The following PFKP variants were observed in gnomAD, a reference collection of about 807,000 sequenced individuals.
PFKP encodes ATP-dependent 6-phosphofructokinase, platelet type.
In PFKP, 101 loss-of-function variants were observed where a neutral mutation model predicts 94.3. The ratio of observed to expected loss-of-function variants is 1.07; its 90% confidence interval spans 0.91 to 1.26. The LOEUF (loss-of-function observed/expected upper bound fraction) is 1.26. Ranked by LOEUF, PFKP falls within the 50% of genes most tolerant of loss-of-function variation. The pLI is 0.00. For synonymous variants in PFKP, 573 were observed against 432.6 expected (o/e 1.32, Z -4.03); for missense variants, 1,145 against 1,103.3 (o/e 1.04, Z -0.53).
intron 16 of PFKP, among the ~76,000 whole-genome samples, chr10:3,121,132 A>G (rs553705818): frequency 1.3e-5 from 2 of 152,284 alleles, no homozygotes; most frequent in African/African-American, 2.4e-5. Context: ...TGCTTTTCTG[A>G]GCGTTTTAAA....
At chr10:3,081,781 C>CTT (rs59221770) in intron 1 of PFKP, among the ~76,000 whole-genome samples, 151,576 of 152,294 alleles carry the variant, frequency 1, 75,433 homozygotes, top group Middle Eastern at 1. Flanking sequence ...TGTAAATAGA[C>CTT]ATGATACATT....
At chr10:3,098,929 C>T (rs1327220723) in intron 2 of PFKP, among the ~76,000 whole-genome samples, 2 of 152,186 alleles carry the variant, frequency 1.3e-5, no homozygotes, top group Non-Finnish European at 2.9e-5. Flanking sequence ...TGAGTTTGTG[C>T]TGAAGTATGA....
chr10:3,107,565 G>A (rs1835761197), intron 8 of PFKP, among the ~76,000 whole-genome samples: 1 of 152,272 alleles, frequency 6.6e-6, no homozygotes, highest in Non-Finnish European at 1.5e-5. Context: ...GAGGGGGTCA[G>A]CTCGAGTGGC....
chr10:3,084,327 CCT>C (rs1833318139), intron 2 of PFKP, among the ~76,000 whole-genome samples: 1 of 152,072 alleles, frequency 6.6e-6, no homozygotes, highest in African/African-American at 2.4e-5. Context: ...GCAGGTTTCC[CCT>C]GTCTGCTTTC....
Position 3,129,683 on chromosome 10 carries a change from C to T in PFKP, c.1684-136C>T, listed in dbSNP as rs550561582. Reference sequence around the variant, plus strand: ...CACATCCTGGCTGCTGCACACCCTTCACCTCTGCGGGATGCTGGGACCGCA... The same window carrying T: ...CACATCCTGGCTGCTGCACACCCTTTACCTCTGCGGGATGCTGGGACCGCA... On this transcript the variant is annotated intron_variant, in intron 16 of 21. Coordinates refer to ENST00000381125, the MANE Select transcript of PFKP (RefSeq NM_002627.5). 4.4e-6 allele frequency: 4 copies of T among 905,246 alleles called. No individual in the cohort carries two copies. In the East Asian group the frequency reaches 9.9e-5, roughly 22 times the overall value. The allele number at this position is 905,246 out of a possible 1,614,324, so 56.1% of individuals were successfully genotyped here.
At chr10:3,117,310 ATCT>A (rs1171088170) in intron 14 of PFKP, among the ~76,000 whole-genome samples, 1 of 152,030 alleles carries the variant, frequency 6.6e-6, no homozygotes. Flanking sequence ...TAGTCTAAAA[ATCT>A]CTTTTTCAGA....
Position 3,103,644 on chromosome 10 carries a change from G to A in PFKP, c.455-135G>A, listed in dbSNP as rs182965757. ...CCTGTCTCAGAAAAATGATAATAAA[G>A]AAATGATACCAATAACAAAGAGTTT... On this transcript the variant is annotated intron_variant, in intron 4 of 21. Coordinates refer to ENST00000381125, the MANE Select transcript of PFKP (RefSeq NM_002627.5). 2.2e-4 allele frequency: 191 copies of A among 858,720 alleles called. No individual in the cohort carries two copies. The African/African-American group carries it at 2.6e-3, about 12-fold the overall frequency. The allele number at this position is 858,720 out of a possible 1,614,324, so 53.2% of individuals were successfully genotyped here.
chr10:3,118,213 A>G (rs2131630413), intron 14 of PFKP, among the ~76,000 whole-genome samples: 2 of 152,342 alleles, frequency 1.3e-5, no homozygotes, highest in East Asian at 1.9e-4. Flanking sequence ...TCACACCTGT[A>G]ACCCCAGCAC....
At chr10:3,104,455 A>G (rs745663533) in intron 5 of PFKP, among the ~76,000 whole-genome samples, 2 of 152,246 alleles carry the variant, frequency 1.3e-5, no homozygotes, top group Non-Finnish European at 2.9e-5. Context: ...AATGGTAAAT[A>G]GAATAAGTGT....
chr10:3,098,615 G>C (rs1473155204), intron 2 of PFKP, among the ~76,000 whole-genome samples: 1 of 142,108 alleles, frequency 7.0e-6, no homozygotes, highest in Non-Finnish European at 1.5e-5. Flanking sequence ...GCAGGTTGCA[G>C]TGAGCCGAGA....
chr10:3,113,844 G>A (rs1032671552), intron 13 of PFKP, among the ~76,000 whole-genome samples: 8 of 152,132 alleles, frequency 5.3e-5, no homozygotes, highest in Admixed American at 1.3e-4. Flanking sequence ...TGTTTAAACC[G>A]GGCACTGGAG....
rs756211012 is a variant in PFKP, at chr10:3,113,159, A to G, written c.1195A>G (p.Ile399Val). ...GNLNTYKRLA[I>V]KLPDDQIPKT... The stretch of plus-strand genomic sequence containing the variant: ...CCTGAACACCTACAAGCGACTTGCC[A>G]TCAAGCTGCCGGATGATCAGATCCC... Residue 399 changes from isoleucine (I) to valine (V), a missense_variant, in exon 12 of 22, where the codon ATC (isoleucine) becomes GTC (valine). Around this residue, in one of 3 missense-constraint regions of PFKP, gnomAD observed 1,119 missense variants for 1,062.8 expected, o/e 1.05. Coordinates refer to ENST00000381125, the MANE Select transcript of PFKP (RefSeq NM_002627.5). 2 of 1,613,084 alleles carry G rather than the reference A, an allele frequency of 1.2e-6. No homozygotes were observed. The highest frequency in any genetic ancestry group is 8.5e-7 in the Non-Finnish European group (1 of 1,179,696).
In PFKP at chr10:3,100,862, CAAA is replaced by C. The variant is rs71294492; in HGVS notation, c.265-485_265-483del. The C allele has an allele frequency of 9.6e-3, 6,251 of 651,852 alleles. 6 individuals carry two copies. The highest frequency in any genetic ancestry group is 0.011 in the South Asian group (611 of 53,446). The allele number at this position is 651,852 out of a possible 1,614,324, so 40.4% of individuals were successfully genotyped here. A position where few individuals can be genotyped will look rare whatever the true frequency, so the allele number is the denominator to read the frequency against. ...TAAAAGGGGCAGCGAGTATGTGGTG[CAAA>C]AAAAAAAAAAAAAAAAATCCCCCTG... is the stretch of plus-strand genomic sequence containing the variant. On this transcript the variant is annotated intron_variant, in intron 3 of 21. Coordinates refer to ENST00000381125, the MANE Select transcript of PFKP (RefSeq NM_002627.5).
At position 3,136,660 on chromosome 10, in the gene PFKP, T is replaced by G. The variant is rs1313079167; in HGVS notation, c.*81T>G. The G allele has an allele frequency of 6.8e-7, 1 of 1,480,450 alleles. No homozygotes were observed. Among genetic ancestry groups the G allele is most frequent in the African/African-American group, 1.4e-5 (1 of 72,334 alleles). 91.7% of individuals were successfully genotyped at this position (1,480,450 alleles called of 1,614,324 possible). On this transcript the variant is annotated 3_prime_UTR_variant, in exon 22 of 22. Transcript: ENST00000381125. ...CTTAAGTTATTTTATCAGCACTTTA[T>G]GCACGTATTATTGACATTAATACCT... is the stretch of plus-strand genomic sequence containing the variant.
intron 1 of PFKP, among the ~76,000 whole-genome samples, chr10:3,077,538 T>A (rs1463966275): frequency 6.6e-6 from 1 of 151,914 alleles, no homozygotes. Context: ...AGTGCTGGGA[T>A]TACAGGCATG....
At chr10:3,113,647 T>A in intron 13 of PFKP, 129 bp downstream of exon 13, 5 of 368,370 alleles carry the variant, frequency 1.4e-5, no homozygotes, top group Non-Finnish European at 1.8e-5. Context: ...TGTGATATTG[T>A]GACTGAAGCA....
intron 2 of PFKP, among the ~76,000 whole-genome samples, chr10:3,083,624 C>T (rs181461793): frequency 1.9e-4 from 27 of 144,526 alleles, no homozygotes; most frequent in African/African-American, 6.9e-4. Flanking sequence ...GTAGGTTTCA[C>T]GACTGTTGCT....
chr10:3,118,810 A>G lies in PFKP; in HGVS notation c.1471A>G (p.Ile491Val). The G allele has an allele frequency of 6.2e-7, 1 of 1,613,794 alleles. No homozygotes were observed. Among genetic ancestry groups the G allele is most frequent in the African/African-American group, 1.3e-5 (1 of 75,048 alleles). The change falls in exon 15 of 22, where the codon ATC becomes GTC. Residue 491 changes from isoleucine (I) to valine (V), a missense_variant. This residue lies in a region of PFKP where 1,119 missense variants were observed against 1,062.8 expected (regional missense o/e 1.05). Transcript: ENST00000381125. ...RVLPGKYLEEIATQMRTHSIN... is the reference protein window; with the variant it reads ...RVLPGKYLEEVATQMRTHSIN... ...TCTCCCGGGGAAGTACTTGGAAGAGATCGCCACACAGATGCGCACGCACAG... is the reference window on the plus strand; with the variant it reads ...TCTCCCGGGGAAGTACTTGGAAGAGGTCGCCACACAGATGCGCACGCACAG...
At position 3,123,592 on chromosome 10, in the gene PFKP, C is replaced by A. The variant is rs78602520; in HGVS notation, c.1683+3548C>A. The stretch of plus-strand genomic sequence containing the variant: ...GTCACCCACACCGTCTGGCTTCCAG[C>A]GAGCGCTTCTCGGAGAAACAGCCGG... On this transcript the variant is annotated intron_variant, in intron 16 of 21. Transcript: ENST00000381125. Among the ~76,000 whole-genome samples the A allele has an allele frequency of 5.5e-3, 845 of 152,284 alleles. 7 individuals are homozygous for A. Among genetic ancestry groups the A allele is most frequent in the Middle Eastern group, 0.031 (9 of 294 alleles).
Sources: gnomAD v4.1 joint callset for allele counts (sites outside exome capture counted in the v4.1 genomes callset) on GRCh38, gnomAD v4.1.1 for gene constraint, gnomAD v4.1.1 regional missense constraint, MANE v1.5 for transcripts, NCBI Gene and HGNC (gene_info 2026-07-23, HGNC 2026-07-21) for gene names.